The following EML3 variants were observed in gnomAD, a reference collection of about 807,000 sequenced individuals.
The protein encoded by EML3 is EMAP like 3.
EML3 carries 53 observed loss-of-function variants against 106.7 expected under a neutral mutation model. The observed-to-expected ratio is 0.50, with a 90% confidence interval of 0.40 to 0.62. The LOEUF is 0.62. Among genes scored for constraint, EML3 ranks in the 20% least tolerant of loss-of-function variants. The pLI is 0.00. For missense variants in EML3, 994 were observed against 1,209.1 expected, an observed-to-expected ratio of 0.82 and a Z score of 2.64; for synonymous variants, 499 against 489.6, an observed-to-expected ratio of 1.02 and a Z score of -0.25.
chr11:62,611,317 G>C lies in EML3; in HGVS notation c.222C>G (p.Pro74=). The part of the protein sequence containing the change: ...DSLAAPPGLP[P]TCTPSLVSRG... ...GGCTCACCAAGGAAGGGGTGCACGT[G>C]GGTGGCAGTCCTGGGGGGGCTGCAA... The change falls in exon 3 of 22, where the codon CCC becomes CCG. Residue 74 remains proline (P), a synonymous_variant. Transcript: ENST00000394773. The C allele has an allele frequency of 6.2e-7, 1 of 1,613,058 alleles. No homozygotes were observed. The highest frequency in any genetic ancestry group is 8.5e-7 in the Non-Finnish European group (1 of 1,179,878).
rs767458104 is a variant in EML3 at position 62,602,693 on chromosome 11, A to G, written c.2488-15T>C. On this transcript the variant is annotated splice_polypyrimidine_tract_variant and intron_variant, in intron 21 of 21. Coordinates refer to ENST00000394773, the MANE Select transcript of EML3 (RefSeq NM_153265.3). ...CGGCTCGGCGCCTGGGCCGGAGGGA[A>G]GAGTTGCGGTGGCGGCTGAGCCCTC... The G allele has an allele frequency of 3.0e-5, 48 of 1,599,020 alleles. No individual in the cohort carries two copies. Among genetic ancestry groups the G allele is most frequent in the Non-Finnish European group, 3.9e-5 (46 of 1,175,254 alleles).
Position 62,609,490 on chromosome 11 carries a change from G to A in EML3, c.635-13C>T. ...ACTGAGATGCCTTCTACAGAGAAAA[G>A]GGGTGGTGTCAACTACCCCCTTCCA... On this transcript the variant is annotated splice_polypyrimidine_tract_variant and intron_variant, in intron 5 of 21. Coordinates refer to ENST00000394773, the MANE Select transcript of EML3 (RefSeq NM_153265.3). 1 of 1,555,200 alleles carries A rather than the reference G, an allele frequency of 6.4e-7. No homozygotes were observed. The highest frequency in any genetic ancestry group is 1.2e-5 in the South Asian group (1 of 81,970).
chr11:62,604,980 G>C (rs1314307742), intron 16 of EML3, 133 bp downstream of exon 16: 1 of 755,832 alleles, frequency 1.3e-6, no homozygotes, highest in Non-Finnish European at 2.0e-6. Flanking sequence ...GGGCTGCAGG[G>C]AGAGGCACAG....
At chr11:62,612,247 G>A in intron 1 of EML3, 189 bp downstream of exon 1, 1 of 549,374 alleles carries the variant, frequency 1.8e-6, no homozygotes, top group Non-Finnish European at 3.1e-6. Flanking sequence ...ATGACGCTGG[G>A]GAAGCCCGAA....
Position 62,602,640 on chromosome 11 carries a change from C to T in EML3, c.2526G>A (p.Val842=). Residue 842 remains valine (V), a synonymous_variant, in exon 22 of 22, where the codon GTG becomes GTA. Transcript: ENST00000394773. ...SRMYGGHGSH[V]TSVRFTHDDS... ...CGTCGTGCGTGAATCGGACGCTGGT[C>T]ACGTGGCTGCCGTGGCCCCCGTACA... 1 of 1,592,086 alleles carries T rather than the reference C, an allele frequency of 6.3e-7. No individual in the cohort carries two copies. Among genetic ancestry groups the T allele is most frequent in the Non-Finnish European group, 8.5e-7 (1 of 1,172,712 alleles).
chr11:62,605,901 G>A lies in EML3; in HGVS notation c.1736C>T (p.Ala579Val). Residue 579 changes from alanine to valine, a missense_variant, in exon 14 of 22, where the codon GCA (alanine) becomes GTA (valine). By Grantham distance (64) the Ala-to-Val change is moderately conservative. Around this residue, in one of 3 missense-constraint regions of EML3, gnomAD observed 713 missense variants for 920.5 expected, o/e 0.77. Coordinates refer to ENST00000394773, the MANE Select transcript of EML3 (RefSeq NM_153265.3). The surrounding 1 kb of genome is among the most constrained non-coding windows in gnomAD (Gnocchi z 5.2). ...CTGGGCCAGGTCTCCCCTCAGCAAT[G>A]CATTCTTCGTGGTTCCCACCAGCAG... ...SELLVGTTKNALLRGDLAQGF... is the reference protein window; with the variant it reads ...SELLVGTTKNVLLRGDLAQGF... 1 of 1,614,206 alleles carries A rather than the reference G, an allele frequency of 6.2e-7. No homozygotes were observed. The highest frequency in any genetic ancestry group is 8.5e-7 in the Non-Finnish European group (1 of 1,180,038).
At position 62,605,076 on chromosome 11, in the gene EML3, C is replaced by T; in HGVS notation, c.1982+37G>A. The stretch of plus-strand genomic sequence containing the variant: ...GTACCAGGAACCCTTCCCAGTCCTC[C>T]CTGCTTTCCCTCCTGGGAGTCCTGG... On this transcript the variant is annotated intron_variant, in intron 16 of 21. Coordinates refer to ENST00000394773, the MANE Select transcript of EML3 (RefSeq NM_153265.3). This position sits in a 1 kb window ranked among gnomAD's most constrained non-coding sequence, Gnocchi z 5.2. The T allele has an allele frequency of 6.3e-7, 1 of 1,596,482 alleles. No individual in the cohort carries two copies. The highest frequency in any genetic ancestry group is 8.5e-7 in the Non-Finnish European group (1 of 1,170,508).
intron 20 of EML3, 57 bp downstream of exon 20, chr11:62,603,092 A>G: frequency 6.2e-7 from 1 of 1,604,924 alleles, no homozygotes. Context: ...TTCCAAGCCC[A>G]AACTGGGCTC....
chr11:62,603,037 G>C lies in EML3; in HGVS notation c.2356+112C>G, dbSNP rs1942320306. 9 of 1,405,528 alleles carry C rather than the reference G, an allele frequency of 6.4e-6. No individual in the cohort carries two copies. The South Asian group carries it at 9.9e-5, about 15-fold the overall frequency. 87.1% of individuals were successfully genotyped at this position (1,405,528 alleles called of 1,614,324 possible). ...CGGTCCCGAGGGGCCTCCTGGGCTG[G>C]ATCTTCAGGTTTCTGGACTCTCACC... On this transcript the variant is annotated intron_variant, in intron 20 of 21. Transcript: ENST00000394773.
Position 62,602,637 on chromosome 11 carries a change from G to A in EML3, c.2529C>T (p.Thr843=), listed in dbSNP as rs1942288508. 1 of 1,591,360 alleles carries A rather than the reference G, an allele frequency of 6.3e-7. No homozygotes were observed. The highest frequency in any genetic ancestry group is 8.5e-7 in the Non-Finnish European group (1 of 1,172,316). ...AGTCGTCGTGCGTGAATCGGACGCTGGTCACGTGGCTGCCGTGGCCCCCGT... is the reference window on the plus strand; with the variant it reads ...AGTCGTCGTGCGTGAATCGGACGCTAGTCACGTGGCTGCCGTGGCCCCCGT... ...RMYGGHGSHV[T]SVRFTHDDSH... Residue 843 remains threonine, a synonymous_variant, in exon 22 of 22, where the codon ACC becomes ACT. Coordinates refer to ENST00000394773, the MANE Select transcript of EML3 (RefSeq NM_153265.3).
chr11:62,602,878 C>A lies in EML3; in HGVS notation c.2368G>T (p.Asp790Tyr). ...LGFHVYGVWP[D>Y]GSDGTDINSL... ...TTGATGTCGGTCCCATCGGAGCCGT[C>A]CGGCCAGACGCCTAGCACAGCGGCC... The change falls in exon 21 of 22, where the codon GAC becomes TAC. Residue 790 changes from aspartate to tyrosine, a missense_variant. This residue lies in a region of EML3 where 713 missense variants were observed against 920.5 expected (regional missense o/e 0.77). Coordinates refer to ENST00000394773, the MANE Select transcript of EML3 (RefSeq NM_153265.3). The A allele has an allele frequency of 6.3e-7, 1 of 1,576,680 alleles. No individual in the cohort carries two copies. The highest frequency in any genetic ancestry group is 1.1e-5 in the South Asian group (1 of 87,288).
rs1203979163 is a variant in EML3 at position 62,604,016 on chromosome 11, G to A, written c.2097C>T (p.Ser699=). The change falls in exon 18 of 22, where the codon TCC becomes TCT. Residue 699 remains serine, a synonymous_variant. Coordinates refer to ENST00000394773, the MANE Select transcript of EML3 (RefSeq NM_153265.3). ...SPDGLYLAIG[S]HDNVIYIYSV... Reference sequence around the variant, plus strand: ...TATAGATGTAGATCACGTTGTCATGGGAACCAATGGCCAGGTACAACCCAT... The same window carrying A: ...TATAGATGTAGATCACGTTGTCATGAGAACCAATGGCCAGGTACAACCCAT... The A allele has an allele frequency of 6.2e-7, 1 of 1,614,022 alleles. No individual in the cohort carries two copies. The highest frequency in any genetic ancestry group is 1.1e-5 in the South Asian group (1 of 91,068).
intron 5 of EML3, 34 bp downstream of exon 5, chr11:62,609,595 A>T (rs555232938): frequency 1.3e-6 from 2 of 1,592,658 alleles, no homozygotes; most frequent in East Asian, 4.5e-5. Context: ...TAACCCTGCC[A>T]TCCAAGTTTT....
At chr11:62,609,316 G>A in intron 6 of EML3, 38 bp downstream of exon 6, 2 of 1,539,166 alleles carry the variant, frequency 1.3e-6, no homozygotes, top group Non-Finnish European at 1.7e-6. Context: ...CCCAAGGTGA[G>A]AAAGGTGGTT....
In EML3 at chr11:62,603,824, C is replaced by G. The variant is rs765999338; in HGVS notation, c.2170-8G>C. On this transcript the variant is annotated splice_region_variant and splice_polypyrimidine_tract_variant and intron_variant, in intron 18 of 21. Coordinates refer to ENST00000394773, the MANE Select transcript of EML3 (RefSeq NM_153265.3). ...GATGAAGCTGGAGTGACCCTGGGAG[C>G]AAAGGTCAAGAGTTTTAAAGTATCC... 6.5e-5 allele frequency: 105 copies of G among 1,613,904 alleles called. No individual in the cohort carries two copies. Among genetic ancestry groups the G allele is most frequent in the Non-Finnish European group, 8.6e-5 (102 of 1,179,910 alleles).
At chr11:62,607,322 A>G (rs928578158) in intron 11 of EML3, 2 of 472,702 alleles carry the variant, frequency 4.2e-6, no homozygotes, top group African/African-American at 4.0e-5. Context: ...CTGTCTCAAA[A>G]ACAAAAAAAA....
chr11:62,604,133 G>A lies in EML3; in HGVS notation c.2051C>T (p.Ser684Leu), dbSNP rs1393808644. ...SDVIDGNEQL[S>L]VVRYSPDGLY... ...CCCACCTGGGCTGTACCGGACCACTGAGAGCTGCTCATTGCCATCAATGAC... is the reference window on the plus strand; with the variant it reads ...CCCACCTGGGCTGTACCGGACCACTAAGAGCTGCTCATTGCCATCAATGAC... Residue 684 changes from serine (S) to leucine (L), a missense_variant, in exon 17 of 22, where the codon TCA becomes TTA. Coordinates refer to ENST00000394773, the MANE Select transcript of EML3 (RefSeq NM_153265.3). The A allele has an allele frequency of 1.2e-6, 2 of 1,613,958 alleles. No individual in the cohort carries two copies. Among genetic ancestry groups the A allele is most frequent in the Admixed American group, 3.3e-5 (2 of 60,000 alleles).
rs563309354 is a variant in EML3 at position 62,605,578 on chromosome 11, G to A, written c.1914+64C>T. 44 of 1,500,332 alleles carry A rather than the reference G, an allele frequency of 2.9e-5. No homozygotes were observed. The South Asian group carries it at 5.9e-4, about 20-fold the overall frequency. 92.9% of individuals were successfully genotyped at this position (1,500,332 alleles called of 1,614,324 possible). On this transcript the variant is annotated intron_variant, in intron 15 of 21. Coordinates refer to ENST00000394773, the MANE Select transcript of EML3 (RefSeq NM_153265.3). The surrounding 1 kb of genome is among the most constrained non-coding windows in gnomAD (Gnocchi z 5.2). ...AGGCAGAAGGCAAGGTGCTGGGGAA[G>A]GCGTGGTGGCCACAGGTGTCCTGGT...
At chr11:62,612,347 C>A in intron 1 of EML3, 89 bp downstream of exon 1, 1 of 1,323,024 alleles carries the variant, frequency 7.6e-7, no homozygotes, top group Non-Finnish European at 1.0e-6. Flanking sequence ...CACGCGGGGA[C>A]GCCTCCAGAC....
Sources: allele counts gnomAD v4.1 joint callset, GRCh38; gene constraint gnomAD v4.1.1; regional missense constraint gnomAD v4.1.1; non-coding constraint Gnocchi (gnomAD v3.1); transcripts MANE v1.5; gene names NCBI Gene and HGNC (gene_info 2026-07-23, HGNC 2026-07-21).